ABL1: variants seen among roughly 807,000 people sequenced by gnomAD.
ABL1 encodes the protein tyrosine-protein kinase ABL1.
ABL1 carries 11 observed loss-of-function variants against 94.7 expected under a neutral mutation model. The ratio of observed to expected loss-of-function variants is 0.12; its 90% CI spans 0.07 to 0.19. The LOEUF (loss-of-function observed/expected upper bound fraction) is 0.19. Ranked by LOEUF, ABL1 falls within the 10% of genes least tolerant of loss-of-function variation. ABL1 has a pLI of 1.00. For missense variants in ABL1, 1,082 were observed against 1,489.4 expected (o/e 0.73, Z 4.50); for synonymous variants, 656 against 622.4 (o/e 1.05, Z -0.80).
chr9:130,824,028 T>C (rs891608956), intron 1 of ABL1, among the ~76,000 whole-genome samples: 1 of 152,220 alleles, frequency 6.6e-6, no homozygotes, highest in African/African-American at 2.4e-5. Flanking sequence ...CGACTGATTA[T>C]TGCCTAGTGT....
chr9:130,859,714 G>T (rs1831037701), intron 3 of ABL1, among the ~76,000 whole-genome samples: 1 of 121,262 alleles, frequency 8.2e-6, no homozygotes, highest in Non-Finnish European at 1.6e-5. Context: ...TTTGAGACAG[G>T]CTGTCACCCA....
chr9:130,879,969 G>A (rs969639804), intron 8 of ABL1, 99 bp from the exon 9 acceptor site: 6 of 1,097,678 alleles, frequency 5.5e-6, no homozygotes, highest in Non-Finnish European at 8.4e-6. Flanking sequence ...TAGCAGGATT[G>A]GAATGTTGCT....
chr9:130,723,009 A>C (rs1831535905), intron 1 of ABL1, among the ~76,000 whole-genome samples: 1 of 152,120 alleles, frequency 6.6e-6, no homozygotes, highest in South Asian at 2.1e-4. Context: ...TTTGAATGGG[A>C]GGGAGAGGGA....
intron 1 of ABL1, among the ~76,000 whole-genome samples, chr9:130,773,673 G>C (rs898951221): frequency 6.7e-6 from 1 of 149,424 alleles, no homozygotes; most frequent in Non-Finnish European, 1.5e-5. Context: ...GGGGTTTTGG[G>C]GTTTTACCAT....
At chr9:130,785,237 T>C (rs1829811179) in intron 1 of ABL1, among the ~76,000 whole-genome samples, 1 of 152,140 alleles carries the variant, frequency 6.6e-6, no homozygotes, top group Non-Finnish European at 1.5e-5. Flanking sequence ...TGAGTATCAG[T>C]GGACTGGCGT....
At position 130,878,400 on chromosome 9, in the gene ABL1, T is replaced by C. The variant is rs34558285; in HGVS notation, c.1271-15T>C. The C allele has an allele frequency of 1.9e-6, 3 of 1,613,502 alleles. No homozygotes were observed. The Admixed American group carries it at 5.0e-5, about 27-fold the overall frequency. ...ACACATCTTGAACAGCCTTTCTCTT[T>C]CGGTTTTCTTTCAGCATTTGGAGTA... On this transcript the variant is annotated splice_polypyrimidine_tract_variant and intron_variant, in intron 7 of 10. Transcript: ENST00000318560.
At chr9:130,754,709 T>G (rs2132736075) in intron 1 of ABL1, among the ~76,000 whole-genome samples, 1 of 152,012 alleles carries the variant, frequency 6.6e-6, no homozygotes, top group African/African-American at 2.4e-5. Context: ...TATTGGTCAT[T>G]GGAGGTATTA....
chr9:130,781,052 G>A (rs1012967519), intron 1 of ABL1, among the ~76,000 whole-genome samples: 5 of 152,152 alleles, frequency 3.3e-5, no homozygotes, highest in African/African-American at 1.2e-4. Flanking sequence ...AACCTCACTT[G>A]CGTCATTCTG....
chr9:130,836,884 A>G (rs1200871361), intron 1 of ABL1, among the ~76,000 whole-genome samples: 1 of 151,514 alleles, frequency 6.6e-6, no homozygotes, highest in Non-Finnish European at 1.5e-5. Context: ...TAGATCAAGT[A>G]GGATTTCTGC....
intron 4 of ABL1, among the ~76,000 whole-genome samples, chr9:130,869,355 C>T (rs1831213368): frequency 6.6e-6 from 1 of 152,176 alleles, no homozygotes; most frequent in East Asian, 1.9e-4. Context: ...GAGTGCTGGC[C>T]TCATGCCAGG....
At chr9:130,792,241 C>T (rs544333827) in intron 1 of ABL1, among the ~76,000 whole-genome samples, 2 of 152,282 alleles carry the variant, frequency 1.3e-5, no homozygotes, top group East Asian at 1.9e-4. Context: ...GCCTCCAGGA[C>T]TTTAAGCTTC....
chr9:130,881,783 G>A (rs1306859629), intron 10 of ABL1, among the ~76,000 whole-genome samples: 1 of 151,902 alleles, frequency 6.6e-6, no homozygotes, highest in Non-Finnish European at 1.5e-5. Context: ...CATGTGAAGG[G>A]ACTGGACAAA....
intron 1 of ABL1, among the ~76,000 whole-genome samples, chr9:130,734,244 C>T (rs1474775796): frequency 2.8e-5 from 4 of 143,300 alleles, no homozygotes. Context: ...GATGGAGTCT[C>T]GCTCTGTCAC....
intron 1 of ABL1, among the ~76,000 whole-genome samples, chr9:130,836,552 G>T (rs1244776933): frequency 1.3e-5 from 2 of 152,038 alleles, no homozygotes; most frequent in Non-Finnish European, 2.9e-5. Context: ...GGCCGGGCGC[G>T]GTGGCTCAAG....
At chr9:130,737,160 G>A (rs1352718582) in intron 1 of ABL1, among the ~76,000 whole-genome samples, 2 of 151,958 alleles carry the variant, frequency 1.3e-5, no homozygotes, top group Non-Finnish European at 2.9e-5. Flanking sequence ...GCAAGGAGGG[G>A]AAAACGACTG....
At chr9:130,747,349 T>C (rs1831900438) in intron 1 of ABL1, among the ~76,000 whole-genome samples, 1 of 151,950 alleles carries the variant, frequency 6.6e-6, no homozygotes, top group Non-Finnish European at 1.5e-5. Context: ...CTGTGCTCCA[T>C]CCTGAGCAAG....
chr9:130,766,242 C>T (rs898471493), intron 1 of ABL1, among the ~76,000 whole-genome samples: 2 of 152,232 alleles, frequency 1.3e-5, no homozygotes, highest in Non-Finnish European at 2.9e-5. Flanking sequence ...CAGGGGCATG[C>T]GGATGACTGG....
chr9:130,866,465 C>T (rs929659096), intron 4 of ABL1, among the ~76,000 whole-genome samples: 1 of 152,124 alleles, frequency 6.6e-6, no homozygotes, highest in African/African-American at 2.4e-5. Flanking sequence ...AGCGTCCTTC[C>T]CTCAGCCGAT....
intron 1 of ABL1, among the ~76,000 whole-genome samples, chr9:130,776,324 G>A (rs1427986117): frequency 7.2e-5 from 11 of 152,182 alleles, no homozygotes; most frequent in African/African-American, 7.2e-5. Context: ...GGCTGGGCGC[G>A]GTGGCTCATG....
Sources: gnomAD v4.1 joint callset for allele counts (sites outside exome capture counted in the v4.1 genomes callset) on GRCh38, gnomAD v4.1.1 for gene constraint, MANE v1.5 for transcripts, NCBI Gene and HGNC (gene_info 2026-07-23, HGNC 2026-07-21) for gene names.